Variants in GANAB observed in about 807,000 individuals in gnomAD.
GANAB encodes the protein glucosidase II alpha subunit, also known as neutral alpha-glucosidase AB.
GANAB carries 35 observed loss-of-function variants against 129.9 expected under a neutral mutation model. That is an observed-to-expected ratio of 0.27 (90% confidence interval 0.21 to 0.36). The LOEUF is 0.36. Ranked by LOEUF, GANAB falls within the 10% of genes least tolerant of loss-of-function variation. The probability of loss-of-function intolerance (pLI) is 1.00; values close to 1 mark genes in which losing one functional copy is unlikely to be tolerated. For missense variants in GANAB, 939 were observed against 1,221.0 expected (o/e 0.77, Z 3.44); for synonymous variants, 482 against 451.8 (o/e 1.07, Z -0.85).
chr11:62,642,238 A>G (rs1944304256), intron 1 of GANAB, among the ~76,000 whole-genome samples: 2 of 151,968 alleles, frequency 1.3e-5, no homozygotes, highest in African/African-American at 4.8e-5. Context: ...TTTTTTTGGT[A>G]GCAACAGGGC....
intron 5 of GANAB, chr11:62,634,585 C>T (rs2134502740): frequency 8.1e-6 from 5 of 615,150 alleles, no homozygotes; most frequent in South Asian, 8.1e-5. Flanking sequence ...CCCAGGCAGG[C>T]CTCCCAGAGA....
rs1565108201 is a variant in GANAB at position 62,639,608 on chromosome 11, T to C, written c.143+19A>G. On this transcript the variant is annotated intron_variant, in intron 2 of 23. Coordinates refer to ENST00000356638, the MANE Select transcript of GANAB (RefSeq NM_198334.3). ...CCTACAACCCTACATTCCATCCCTC[T>C]CCCCCAGAAATATCATACTTGCAGA... 2 of 1,563,456 alleles carry C rather than the reference T, an allele frequency of 1.3e-6. No homozygotes were observed. Among genetic ancestry groups the C allele is most frequent in the Non-Finnish European group, 1.8e-6 (2 of 1,134,100 alleles).
intron 17 of GANAB, among the ~76,000 whole-genome samples, chr11:62,628,100 T>C (rs1212691177): frequency 6.6e-6 from 1 of 152,086 alleles, no homozygotes; most frequent in East Asian, 1.9e-4. Context: ...ATTTCTCCTT[T>C]AGAATTTTTG....
At chr11:62,636,944 T>C (rs999473836) in intron 4 of GANAB, among the ~76,000 whole-genome samples, 11 of 151,268 alleles carry the variant, frequency 7.3e-5, no homozygotes, top group Admixed American at 3.3e-4. Flanking sequence ...TATATATATA[T>C]ATTTTTTTCT....
rs1246504271 is a variant in GANAB, at chr11:62,646,496, G to A, written c.38+66C>T. 3 of 1,537,162 alleles carry A rather than the reference G, an allele frequency of 2.0e-6. No individual in the cohort carries two copies. The East Asian group carries it at 6.7e-5, about 35-fold the overall frequency. On this transcript the variant is annotated intron_variant, in intron 1 of 23. Coordinates refer to ENST00000356638, the MANE Select transcript of GANAB (RefSeq NM_198334.3). ...AGAGTGTCAAGAGACACACAGGAAG[G>A]AGTGGAATGGGACTTGGGGGATCTG...
intron 1 of GANAB, among the ~76,000 whole-genome samples, chr11:62,643,305 C>T (rs1288406741): frequency 6.6e-6 from 1 of 152,106 alleles, no homozygotes; most frequent in African/African-American, 2.4e-5. Flanking sequence ...GGAGTTAGAC[C>T]AGCCTGGCCA....
chr11:62,639,693 C>T lies in GANAB; in HGVS notation c.77G>A (p.Cys26Tyr). The change falls in exon 2 of 24, where the codon TGC becomes TAC. Residue 26 changes from cysteine to tyrosine, a missense_variant. Physicochemically the swap from Cys to Tyr is radical, Grantham distance 194. This residue lies in a region of GANAB where 321 missense variants were observed against 329.1 expected (regional missense o/e 0.98). Coordinates refer to ENST00000356638, the MANE Select transcript of GANAB (RefSeq NM_198334.3). ...ATCCACAGCAAGGGTAATCCCCAGG[C>T]AGACCCCTAAAAAAGCCAGTACCAA... The part of the protein sequence containing the change: ...ASLVLAFLGV[C>Y]LGITLAVDRS... 6.2e-7 allele frequency: 1 copy of T among 1,614,002 alleles called. No homozygotes were observed. The highest frequency in any genetic ancestry group is 8.5e-7 in the Non-Finnish European group (1 of 1,179,932).
At chr11:62,634,286 C>G (rs762794452) in intron 5 of GANAB, 1 of 1,491,514 alleles carries the variant, frequency 6.7e-7, no homozygotes. Flanking sequence ...GGAACAGATA[C>G]AGTACCGGTG....
Position 62,630,848 on chromosome 11 carries a change from T to C in GANAB, c.1151-12A>G, listed in dbSNP as rs1482732131. 5 of 1,600,748 alleles carry C rather than the reference T, an allele frequency of 3.1e-6. No individual in the cohort carries two copies. In the South Asian group the frequency reaches 4.4e-5, roughly 14 times the overall value. ...CAACGCCTGGGTTCCTGCAGGTTCA[T>C]GAGGGATGGGGGTCACAACGAGGAT... On this transcript the variant is annotated splice_polypyrimidine_tract_variant and intron_variant, in intron 10 of 23. Transcript: ENST00000356638.
intron 23 of GANAB, 21 bp from the exon 24 acceptor site, chr11:62,625,945 T>A: frequency 3.2e-6 from 5 of 1,551,822 alleles, no homozygotes; most frequent in Non-Finnish European, 4.5e-6. Context: ...AATAAAAGAG[T>A]GCCATAGTCA....
chr11:62,633,098 G>A lies in GANAB; in HGVS notation c.722C>T (p.Pro241Leu). ...KTHSDSKPYGPMSVGLDFSLP... is the reference protein window; with the variant it reads ...KTHSDSKPYGLMSVGLDFSLP... ...AGAGAAGTCCAAACCCACAGACATGGGGCCTGGAAGAAAAACAAACAAGCT... is the reference window on the plus strand; with the variant it reads ...AGAGAAGTCCAAACCCACAGACATGAGGCCTGGAAGAAAAACAAACAAGCT... The change falls in exon 8 of 24, where the codon CCC becomes CTC. Residue 241 changes from proline to leucine, a missense_variant. Coordinates refer to ENST00000356638, the MANE Select transcript of GANAB (RefSeq NM_198334.3). The A allele has an allele frequency of 6.2e-7, 1 of 1,610,736 alleles. No individual in the cohort carries two copies. The highest frequency in any genetic ancestry group is 1.7e-4 in the Middle Eastern group (1 of 6,052).
intron 3 of GANAB, 77 bp downstream of exon 3, chr11:62,639,282 G>A: frequency 7.9e-7 from 1 of 1,260,276 alleles, no homozygotes; most frequent in Non-Finnish European, 1.2e-6. Context: ...CAAGATGTTG[G>A]CCACAATTTC....
chr11:62,630,014 C>T, intron 13 of GANAB, 57 bp from the exon 14 acceptor site: 2 of 1,575,500 alleles, frequency 1.3e-6, no homozygotes, highest in Admixed American at 1.7e-5. Context: ...AGAAGACAAA[C>T]AGTGTCAGAG....
At chr11:62,634,062 A>C in intron 5 of GANAB, 3 of 470,000 alleles carry the variant, frequency 6.4e-6, no homozygotes, top group Non-Finnish European at 1.1e-5. Flanking sequence ...AATAGGCAGC[A>C]TCTCTCCATC....
At chr11:62,645,181 G>C (rs1944421953) in intron 1 of GANAB, among the ~76,000 whole-genome samples, 5 of 152,188 alleles carry the variant, frequency 3.3e-5, no homozygotes, top group Admixed American at 3.3e-4. Context: ...CTGAGTGACT[G>C]CAACAGGCAC....
intron 5 of GANAB, chr11:62,634,247 G>T: frequency 8.8e-7 from 1 of 1,136,536 alleles, no homozygotes; most frequent in Non-Finnish European, 1.3e-6. Flanking sequence ...TCCCCCCAAA[G>T]GCTAGAGTGA....
At chr11:62,638,589 AGG>A (rs1252673774) in intron 4 of GANAB, among the ~76,000 whole-genome samples, 65 of 328 alleles carry the variant, frequency 0.2, no homozygotes, top group African/African-American at 0.32. Context: ...GGAGGAAGGA[AGG>A]AAGGAAGGAA....
At chr11:62,634,768 A>G in intron 5 of GANAB, 53 bp downstream of exon 5, 1 of 1,433,572 alleles carries the variant, frequency 7.0e-7, no homozygotes, top group Non-Finnish European at 9.7e-7. Context: ...ACCTCACAAC[A>G]CCCCTATGCT....
Position 62,629,947 on chromosome 11 carries a change from G to C in GANAB, c.1604C>G (p.Pro535Arg). ...FSYDNYEGSA[P>R]NLFVWNDMNE... Reference sequence around the variant, plus strand: ...CATGTCATTCCAGACAAAGAGGTTGGGAGCTGAGCCCTGGGAACGTGGGCA... The same window carrying C: ...CATGTCATTCCAGACAAAGAGGTTGCGAGCTGAGCCCTGGGAACGTGGGCA... Residue 535 changes from proline (P) to arginine (R), a missense_variant, in exon 14 of 24, where the codon CCC becomes CGC. By Grantham distance (103) the Pro-to-Arg change is moderately radical (BLOSUM62 -2). Coordinates refer to ENST00000356638, the MANE Select transcript of GANAB (RefSeq NM_198334.3). 6.2e-7 allele frequency: 1 copy of C among 1,614,166 alleles called. No homozygotes were observed. The highest frequency in any genetic ancestry group is 8.5e-7 in the Non-Finnish European group (1 of 1,180,014).
Sources: gnomAD v4.1 joint callset for allele counts (sites outside exome capture counted in the v4.1 genomes callset) on GRCh38, gnomAD v4.1.1 for gene constraint, gnomAD v4.1.1 regional missense constraint, MANE v1.5 for transcripts, NCBI Gene and HGNC (gene_info 2026-07-23, HGNC 2026-07-21) for gene names.